Variants in RTL4 observed in about 807,000 individuals in gnomAD.
RTL4 encodes the protein retrotransposon Gag like 4, also known as retrotransposon Gag-like protein 4.
In RTL4, 4 loss-of-function variants were observed where a neutral mutation model predicts 5.3. The ratio of observed to expected loss-of-function variants is 0.75; its 90% CI spans 0.37 to 1.72. RTL4 has a LOEUF of 1.72. Among genes scored for constraint, RTL4 ranks in the 40% most tolerant of loss-of-function variants. RTL4 has a pLI of 0.04. For synonymous variants in RTL4, 98 were observed against 87.3 expected, an observed-to-expected ratio of 1.12 and a Z score of -0.68; for missense variants, 260 against 227.1, an observed-to-expected ratio of 1.14 and a Z score of -0.93.
the RTL4 span, among the ~76,000 whole-genome samples, chrX:112,353,489 A>G: frequency 1.8e-5 from 2 of 111,499 alleles, no homozygotes; most frequent in Non-Finnish European, 3.8e-5. Context: ...TACACCATGG[A>G]ATACCATGCA....
chrX:112,154,169 A>T, the RTL4 span, among the ~76,000 whole-genome samples: 1 of 110,932 alleles, frequency 9.0e-6, no homozygotes, highest in Non-Finnish European at 1.9e-5. Context: ...TCAATTCCAG[A>T]ATTTCTATTT....
the RTL4 span, among the ~76,000 whole-genome samples, chrX:112,133,374 C>T: frequency 6.3e-5 from 7 of 111,575 alleles, no homozygotes; most frequent in Non-Finnish European, 1.3e-4. Context: ...TGACTACTGT[C>T]AGGGGGAAAT....
chrX:112,136,472 G>A, the RTL4 span, among the ~76,000 whole-genome samples: 1 of 111,706 alleles, frequency 9.0e-6, no homozygotes, highest in African/African-American at 3.2e-5. Flanking sequence ...GTTTTCATAA[G>A]CTTAACCAAG....
At chrX:112,337,110 C>G in the RTL4 span, among the ~76,000 whole-genome samples, 1 of 111,483 alleles carries the variant, frequency 9.0e-6, no homozygotes, top group African/African-American at 3.3e-5. Context: ...CTTACTTTAG[C>G]CTGTTAGAAA....
chrX:112,141,608 T>A, the RTL4 span, among the ~76,000 whole-genome samples: 2 of 111,327 alleles, frequency 1.8e-5, no homozygotes, highest in African/African-American at 6.5e-5. Context: ...TATTGAAGGT[T>A]ATTTGTGGCC....
the RTL4 span, among the ~76,000 whole-genome samples, chrX:112,120,562 C>T: frequency 1.9e-5 from 2 of 107,280 alleles, no homozygotes; most frequent in Non-Finnish European, 3.8e-5. Context: ...CAGGCGTGAG[C>T]CACCACGCCC....
chrX:112,351,062 C>G, the RTL4 span, among the ~76,000 whole-genome samples: 1 of 109,911 alleles, frequency 9.1e-6, no homozygotes, highest in African/African-American at 3.3e-5. Flanking sequence ...TTCTGGTATG[C>G]TGTGTCTTTG....
the RTL4 span, among the ~76,000 whole-genome samples, chrX:112,130,796 T>G: frequency 9.7e-6 from 1 of 102,781 alleles, no homozygotes; most frequent in East Asian, 2.9e-4. Flanking sequence ...TGTGGGTTTT[T>G]TTTTTTTTTT....
the RTL4 span, among the ~76,000 whole-genome samples, chrX:112,409,696 G>A: frequency 9.9e-6 from 1 of 101,440 alleles, no homozygotes; most frequent in Admixed American, 1.1e-4. Flanking sequence ...ACTCCAGCCT[G>A]GGCGACAGAG....
chrX:112,370,691 T>C, the RTL4 span, among the ~76,000 whole-genome samples: 939 of 110,845 alleles, frequency 8.5e-3, 16 homozygotes, highest in African/African-American at 0.029. Context: ...GCTGAAAGGT[T>C]CATATTTTAG....
chrX:112,286,067 C>T, the RTL4 span, among the ~76,000 whole-genome samples: 1 of 110,649 alleles, frequency 9.0e-6, no homozygotes, highest in South Asian at 3.8e-4. Context: ...CAAAGTGAAC[C>T]AAGGAGATAG....
At chrX:112,345,291 A>G in the RTL4 span, among the ~76,000 whole-genome samples, 1 of 111,167 alleles carries the variant, frequency 9.0e-6, no homozygotes, top group Non-Finnish European at 1.9e-5. Flanking sequence ...AGGACACCTC[A>G]GACTACAATT....
chrX:112,234,729 A>C, the RTL4 span, among the ~76,000 whole-genome samples: 1 of 111,826 alleles, frequency 8.9e-6, no homozygotes, highest in Non-Finnish European at 1.9e-5. Context: ...ACTCCAGAAA[A>C]TCTGATTTTG....
chrX:112,308,078 T>C, the RTL4 span, among the ~76,000 whole-genome samples: 1 of 111,278 alleles, frequency 9.0e-6, no homozygotes, highest in Non-Finnish European at 1.9e-5. Flanking sequence ...GTGTTAAGAG[T>C]GCTTGAGTTA....
At chrX:112,426,257 A>T in the RTL4 span, among the ~76,000 whole-genome samples, 1 of 111,129 alleles carries the variant, frequency 9.0e-6, no homozygotes. Flanking sequence ...TATTTCTGAG[A>T]TCTCTATTCT....
the RTL4 span, among the ~76,000 whole-genome samples, chrX:112,327,674 C>T: frequency 9.1e-6 from 1 of 109,612 alleles, no homozygotes; most frequent in African/African-American, 3.3e-5. Context: ...AGATACTCCT[C>T]GAGAAGAGGA....
chrX:112,117,415 A>ATC, the RTL4 span, among the ~76,000 whole-genome samples: 1 of 109,453 alleles, frequency 9.1e-6, no homozygotes, highest in African/African-American at 3.4e-5. Context: ...GTAAATACAA[A>ATC]ATTTCAAAAG....
chrX:112,310,369 C>CATATATATATATATAT, the RTL4 span, among the ~76,000 whole-genome samples: 1 of 4,351 alleles, frequency 2.3e-4, no homozygotes, highest in African/African-American at 6.0e-4. Flanking sequence ...CACCTTTATA[C>CATATATATATATATAT]ATATATATAT....
chrX:112,171,724 A>G, the RTL4 span, among the ~76,000 whole-genome samples: 3 of 111,921 alleles, frequency 2.7e-5, no homozygotes, highest in African/African-American at 9.7e-5. Context: ...TAGATTAAAG[A>G]CTTAAATATA....
Sources: gnomAD v4.1 joint callset for allele counts (sites outside exome capture counted in the v4.1 genomes callset) on GRCh38, gnomAD v4.1.1 for gene constraint, MANE v1.5 for transcripts, NCBI Gene and HGNC (gene_info 2026-07-23, HGNC 2026-07-21) for gene names.